Variants in ZNF419 observed in about 807,000 individuals in gnomAD.
ZNF419 encodes zinc finger protein 419A.
A neutral mutation model predicts 14.9 loss-of-function variants in ZNF419; 8 were observed. The ratio of observed to expected loss-of-function variants is 0.54; its 90% CI spans 0.32 to 0.97. The LOEUF is 0.97. Among genes scored for constraint, ZNF419 ranks in the 50% least tolerant of loss-of-function variants. ZNF419 has a pLI of 0.04. For synonymous variants in ZNF419, 211 were observed against 205.3 expected (o/e 1.03, Z -0.24); for missense variants, 595 against 607.2 (o/e 0.98, Z 0.21).
At chr19:57,492,242 G>A (rs2123205879) in intron 4 of ZNF419, 31 bp downstream of exon 4, 1 of 1,610,648 alleles carries the variant, frequency 6.2e-7, no homozygotes, top group South Asian at 1.1e-5. Context: ...AGGGAGGTGT[G>A]AACTCAGGGA....
In ZNF419 at chr19:57,493,803, A is replaced by G. The variant is rs1166969393; in HGVS notation, c.1246A>G (p.Arg416Gly). The G allele has an allele frequency of 1.9e-6, 3 of 1,614,118 alleles. No individual in the cohort carries two copies. The highest frequency in any genetic ancestry group is 2.5e-6 in the Non-Finnish European group (3 of 1,179,992). ...CTTTAGAGAGAATTCCACCCTAGTT[A>G]GACATCAGAGGGTTCACACTGGAGC... is the stretch of plus-strand genomic sequence containing the variant. ...RFFRENSTLV[R>G]HQRVHTGAKP... The change falls in exon 5 of 5, where the codon AGA becomes GGA. Residue 416 changes from arginine to glycine, a missense_variant. Transcript: ENST00000221735.
chr19:57,493,763 T>C lies in ZNF419; in HGVS notation c.1206T>C (p.Asn402=). The C allele has an allele frequency of 2.5e-6, 4 of 1,614,162 alleles. No homozygotes were observed. The highest frequency in any genetic ancestry group is 3.4e-6 in the Non-Finnish European group (4 of 1,180,012). The change falls in exon 5 of 5, where the codon AAT becomes AAC. Residue 402 remains asparagine (N), a synonymous_variant. Coordinates refer to ENST00000221735, the MANE Select transcript of ZNF419 (RefSeq NM_024691.4). ...VHTGEKPFKC[N]ECGRFFRENS... The stretch of plus-strand genomic sequence containing the variant: ...CTGGAGAAAAGCCTTTTAAGTGCAA[T>C]GAATGTGGGAGATTCTTTAGAGAGA...
intron 2 of ZNF419, chr19:57,490,462 C>T: frequency 4.2e-6 from 1 of 238,394 alleles, no homozygotes; most frequent in South Asian, 8.8e-5. Flanking sequence ...TCAAGCAATT[C>T]TCCTGTCTGA....
chr19:57,487,837 C>G lies in ZNF419; in HGVS notation c.-114C>G. The G allele has an allele frequency of 6.6e-7, 1 of 1,505,598 alleles. No individual in the cohort carries two copies. Among genetic ancestry groups the G allele is most frequent in the Non-Finnish European group, 9.2e-7 (1 of 1,085,696 alleles). The allele number at this position is 1,505,598 out of a possible 1,614,324, so 93.3% of individuals were successfully genotyped here. A position where few individuals can be genotyped will look rare whatever the true frequency, so the allele number is the denominator to read the frequency against. Reference sequence around the variant, plus strand: ...CCAGCGCCGGAAGGCACGGTGGCGACTCACGCTGTTCTCGCCGCTCAGAGG... The same window carrying G: ...CCAGCGCCGGAAGGCACGGTGGCGAGTCACGCTGTTCTCGCCGCTCAGAGG... On this transcript the variant is annotated 5_prime_UTR_variant, in exon 1 of 5. Transcript: ENST00000221735.
At chr19:57,490,424 G>A (rs886726289) in intron 2 of ZNF419, 7 of 286,864 alleles carry the variant, frequency 2.4e-5, no homozygotes, top group African/African-American at 6.6e-5. Flanking sequence ...GCGCGATCTC[G>A]GCTCACTGCA....
chr19:57,492,851 G>A lies in ZNF419; in HGVS notation c.299-5G>A, dbSNP rs1219033714. The A allele has an allele frequency of 1.9e-6, 3 of 1,613,336 alleles. No individual in the cohort carries two copies. The highest frequency in any genetic ancestry group is 2.7e-5 in the African/African-American group (2 of 74,890). On this transcript the variant is annotated splice_polypyrimidine_tract_variant and splice_region_variant and intron_variant, in intron 4 of 4. Transcript: ENST00000221735. ...TTTACTTCTTCAACATTTATCTTCT[G>A]TCAGGTTGTTGGCATGGAGCCGAGG...
intron 1 of ZNF419, chr19:57,489,908 T>C: frequency 1.9e-6 from 1 of 527,838 alleles, no homozygotes; most frequent in East Asian, 3.2e-5. Flanking sequence ...ATGAGTTTGA[T>C]ACAAACAATC....
chr19:57,488,023 G>T (rs2089397689), intron 1 of ZNF419, 40 bp downstream of exon 1: 1 of 1,611,598 alleles, frequency 6.2e-7, no homozygotes, highest in Non-Finnish European at 8.5e-7. Context: ...GAATCCTAAA[G>T]CCCTGTGAGG....
rs2089580821 is a variant in ZNF419, at chr19:57,494,350, T to C, written c.*260T>C. On this transcript the variant is annotated 3_prime_UTR_variant, in exon 5 of 5. Coordinates refer to ENST00000221735, the MANE Select transcript of ZNF419 (RefSeq NM_024691.4). ...GTTATGTACTGTCTCTGAATCAATA[T>C]GACCTCACTTAAAACAGAAACTCTG... The C allele has an allele frequency of 4.6e-6, 2 of 431,936 alleles. No individual in the cohort carries two copies. Among genetic ancestry groups the C allele is most frequent in the Admixed American group, 8.1e-5 (2 of 24,838 alleles). The allele number at this position is 431,936 out of a possible 1,614,324, so 26.8% of individuals were successfully genotyped here.
chr19:57,494,621 C>T lies in ZNF419; in HGVS notation c.*531C>T, dbSNP rs1296035354. On this transcript the variant is annotated 3_prime_UTR_variant, in exon 5 of 5. Transcript: ENST00000221735. ...TCAAATGTGACTCACTTTTGCTGTT[C>T]TTGTGAATGTTAGATCTTCTTTAAT... is the stretch of plus-strand genomic sequence containing the variant. 6.2e-6 allele frequency: 1 copy of T among 162,390 alleles called. No homozygotes were observed. The highest frequency in any genetic ancestry group is 1.3e-5 in the Non-Finnish European group (1 of 75,396). The allele number at this position is 162,390 out of a possible 1,614,324, so 10.1% of individuals were successfully genotyped here. A position where few individuals can be genotyped will look rare whatever the true frequency, so the allele number is the denominator to read the frequency against.
chr19:57,490,011 AG>A, intron 1 of ZNF419, 135 bp from the exon 2 acceptor site: 1 of 725,258 alleles, frequency 1.4e-6, no homozygotes, highest in Non-Finnish European at 2.4e-6. Context: ...GGCACACAAC[AG>A]GTAAGAGGCA....
chr19:57,489,376 A>G (rs986167369), intron 1 of ZNF419: 8 of 152,274 alleles, frequency 5.3e-5, no homozygotes, highest in African/African-American at 1.9e-4. Flanking sequence ...TTGGTTGTAA[A>G]GTTAGTATAC....
Position 57,493,195 on chromosome 19 carries a change from G to A in ZNF419, c.638G>A (p.Gly213Asp), listed in dbSNP as rs7259303. 29,238 of 1,614,230 alleles carry A rather than the reference G, an allele frequency of 0.018. 339 individuals are homozygous for A. The highest frequency in any genetic ancestry group is 0.026 in the South Asian group (2,388 of 91,086). The change falls in exon 5 of 5, where the codon GGT becomes GAT. Residue 213 changes from glycine to aspartate, a missense_variant. Physicochemically the swap from Gly to Asp is moderately conservative, Grantham distance 94. Transcript: ENST00000221735. Reference protein sequence around the residue: ...YKCSECGKAFGQKYLLVQHQR... With the variant: ...YKCSECGKAFDQKYLLVQHQR... The stretch of plus-strand genomic sequence containing the variant: ...TGCAGTGAATGTGGGAAAGCCTTTG[G>A]TCAGAAATATTTACTTGTTCAGCAC...
In ZNF419 at chr19:57,487,935, C is replaced by G. The variant is rs754170928; in HGVS notation, c.-16C>G. 1.2e-6 allele frequency: 2 copies of G among 1,613,352 alleles called. No individual in the cohort carries two copies. The highest frequency in any genetic ancestry group is 2.2e-5 in the East Asian group (1 of 44,858). On this transcript the variant is annotated 5_prime_UTR_variant, in exon 1 of 5. Transcript: ENST00000221735. ...CTCGGTCATTGTCTCCCCTCCAGCT[C>G]TACTCACAGGCTCCGATGGCGGCGG... is the stretch of plus-strand genomic sequence containing the variant.
intron 4 of ZNF419, 113 bp from the exon 5 acceptor site, chr19:57,492,743 T>G (rs2089519115): frequency 1.4e-6 from 2 of 1,408,020 alleles, no homozygotes; most frequent in Non-Finnish European, 2.0e-6. Context: ...CCCTCTTTAT[T>G]TCTGCTAGCA....
At position 57,494,037 on chromosome 19, in the gene ZNF419, C is replaced by CAAAA. The variant is rs1230698627; in HGVS notation, c.1481_1482insAAAA (p.His494GlnfsTer8). 6.2e-7 allele frequency: 1 copy of CAAAA among 1,612,866 alleles called. No homozygotes were observed. The highest frequency in any genetic ancestry group is 1.7e-5 in the Admixed American group (1 of 59,762). Reference sequence around the variant, plus strand: ...CAGGGAATGTGGGAAGTTTTTTCGCCACAACTCCAGTCTTTTTAAACATCG... The same window carrying CAAAA: ...CAGGGAATGTGGGAAGTTTTTTCGCCAAAAACAACTCCAGTCTTTTTAAACATCG... On this transcript the variant is annotated frameshift_variant, in exon 5 of 5. Transcript: ENST00000221735. LOFTEE classifies it low-confidence loss of function (END_TRUNC).
intron 1 of ZNF419, 61 bp from the exon 2 acceptor site, chr19:57,490,086 G>T: frequency 6.5e-7 from 1 of 1,532,010 alleles, no homozygotes. Context: ...CTAGACGAGT[G>T]GGCTTGGATG....
At position 57,493,682 on chromosome 19, in the gene ZNF419, CTG is replaced by C. The variant is rs769185503; in HGVS notation, c.1128_1129del (p.Cys376TrpfsTer24). 2.2e-5 allele frequency: 35 copies of C among 1,613,814 alleles called. No homozygotes were observed. The South Asian group carries it at 3.8e-4, about 18-fold the overall frequency. On this transcript the variant is annotated frameshift_variant, in exon 5 of 5. Transcript: ENST00000221735. LOFTEE classifies it low-confidence loss of function (END_TRUNC). The part of the protein sequence containing the change: ...TGERPYKCSD[C>X]GKFFTQCSSL... Reference sequence around the variant, plus strand: ...GAGAAAGGCCTTACAAGTGCAGCGACTGTGGGAAATTTTTTACCCAATGCTCA... The same window carrying C: ...GAGAAAGGCCTTACAAGTGCAGCGACTGGGAAATTTTTTACCCAATGCTCA...
At position 57,494,336 on chromosome 19, in the gene ZNF419, T is replaced by C; in HGVS notation, c.*246T>C. ...CCTTAGGGTGACAGGTTATGTACTG[T>C]CTCTGAATCAATATGACCTCACTTA... On this transcript the variant is annotated 3_prime_UTR_variant, in exon 5 of 5. Coordinates refer to ENST00000221735, the MANE Select transcript of ZNF419 (RefSeq NM_024691.4). 2.0e-6 allele frequency: 1 copy of C among 489,872 alleles called. No homozygotes were observed. The highest frequency in any genetic ancestry group is 5.0e-5 in the South Asian group (1 of 20,182). 30.3% of individuals were successfully genotyped at this position (489,872 alleles called of 1,614,324 possible). A position where few individuals can be genotyped will look rare whatever the true frequency, so the allele number is the denominator to read the frequency against.
Sources: allele counts gnomAD v4.1 joint callset, GRCh38; gene constraint gnomAD v4.1.1; transcripts MANE v1.5; gene names NCBI Gene and HGNC (gene_info 2026-07-23, HGNC 2026-07-21).